SV2C: variants seen among roughly 807,000 people sequenced by gnomAD.
The protein encoded by SV2C is synaptic vesicle glycoprotein 2C, also known as solute carrier family 22 member B3.
Under a neutral mutation model 79.7 loss-of-function variants are expected in SV2C, and 49 were observed. The observed-to-expected ratio is 0.61, with a 90% CI of 0.49 to 0.78. SV2C has a LOEUF of 0.78. Among genes scored for constraint, SV2C ranks in the 30% least tolerant of loss-of-function variants. The probability of loss-of-function intolerance (pLI) is 0.00; values close to 1 mark genes in which losing one functional copy is unlikely to be tolerated. For synonymous variants in SV2C, 334 were observed against 333.2 expected (o/e 1.00, Z -0.03); for missense variants, 833 against 912.9 (o/e 0.91, Z 1.13).
Position 76,171,628 on chromosome 5 carries a change from C to A in SV2C, c.581-23291C>A, listed in dbSNP as rs1463584130. 1.4e-4 allele frequency among the ~76,000 whole-genome samples: 21 copies of A among 145,070 alleles called. 1 individual carries two copies. The highest frequency in any genetic ancestry group is 2.7e-4 in the Admixed American group (4 of 14,892). On this transcript the variant is annotated intron_variant, in intron 2 of 12. Coordinates refer to ENST00000502798, the MANE Select transcript of SV2C (RefSeq NM_014979.4). Reference sequence around the variant, plus strand: ...AGAGGTGGGGGGGGGGTCAGCCCCCCGCCCGGCCAGCCGCCCCATCCGGGA... The same window carrying A: ...AGAGGTGGGGGGGGGGTCAGCCCCCAGCCCGGCCAGCCGCCCCATCCGGGA...
intron 2 of SV2C, among the ~76,000 whole-genome samples, chr5:76,184,958 T>C (rs10038609): frequency 0.79 from 120,854 of 152,170 alleles, 48,569 homozygotes; most frequent in East Asian, 0.91. Context: ...AATCCCTTCT[T>C]CCTATGAGCC....
intron 4 of SV2C, among the ~76,000 whole-genome samples, chr5:76,247,540 T>C (rs1287598865): frequency 6.6e-6 from 1 of 152,252 alleles, no homozygotes; most frequent in Non-Finnish European, 1.5e-5. Context: ...TATCTGTGTG[T>C]TCATTTCAGA....
chr5:76,071,813 C>T, the SV2C span, among the ~76,000 whole-genome samples: 1 of 152,132 alleles, frequency 6.6e-6, no homozygotes, highest in Non-Finnish European at 1.5e-5. Context: ...AAGACAAATT[C>T]TGAACATGAA....
the SV2C span, among the ~76,000 whole-genome samples, chr5:76,030,147 C>T: frequency 2.9e-3 from 433 of 151,018 alleles, 4 homozygotes; most frequent in Non-Finnish European, 4.3e-3. Flanking sequence ...CTAACAAAGG[C>T]TTTATTTCTT....
At chr5:76,339,623 A>G (rs1278015831) in intron 12 of SV2C, among the ~76,000 whole-genome samples, 1 of 151,732 alleles carries the variant, frequency 6.6e-6, no homozygotes, top group Non-Finnish European at 1.5e-5. Context: ...ATGAGGCAGG[A>G]GAATGGCGTG....
chr5:76,034,611 G>C, the SV2C span, among the ~76,000 whole-genome samples: 1 of 152,142 alleles, frequency 6.6e-6, no homozygotes, highest in African/African-American at 2.4e-5. Flanking sequence ...ACTTGATCAT[G>C]GTGGATAAGC....
chr5:75,927,027 T>C, the SV2C span, among the ~76,000 whole-genome samples: 1 of 152,196 alleles, frequency 6.6e-6, no homozygotes, highest in African/African-American at 2.4e-5. Context: ...ATTTTGAATA[T>C]GAAAATCTAA....
At chr5:75,866,392 G>A in the SV2C span, among the ~76,000 whole-genome samples, 2 of 152,180 alleles carry the variant, frequency 1.3e-5, no homozygotes, top group Admixed American at 1.3e-4. Context: ...CACCGATGTG[G>A]CAGAGCTATT....
chr5:76,244,415 A>C (rs1042005144), intron 4 of SV2C, among the ~76,000 whole-genome samples: 1 of 152,254 alleles, frequency 6.6e-6, no homozygotes, highest in Non-Finnish European at 1.5e-5. Flanking sequence ...TAGAAATATA[A>C]CATGAGCCAC....
At chr5:75,988,341 T>C in the SV2C span, among the ~76,000 whole-genome samples, 2 of 151,988 alleles carry the variant, frequency 1.3e-5, no homozygotes, top group Admixed American at 6.6e-5. Context: ...TTTCCCGCTA[T>C]GGTAAACAAA....
the SV2C span, among the ~76,000 whole-genome samples, chr5:76,042,146 C>G: frequency 6.6e-6 from 1 of 152,182 alleles, no homozygotes; most frequent in Non-Finnish European, 1.5e-5. Context: ...AAGTCAGTCC[C>G]TTGGGTCTGC....
At chr5:76,104,262 G>A (rs1477573976) in intron 1 of SV2C, among the ~76,000 whole-genome samples, 5 of 152,194 alleles carry the variant, frequency 3.3e-5, no homozygotes, top group Non-Finnish European at 5.9e-5. Flanking sequence ...GTGCTGAAAT[G>A]CCTGGCCAGT....
the SV2C span, among the ~76,000 whole-genome samples, chr5:76,059,148 A>G: frequency 6.6e-6 from 1 of 152,218 alleles, no homozygotes; most frequent in African/African-American, 2.4e-5. Context: ...GGGAGTTATA[A>G]TCTTTTTGCT....
At chr5:75,951,599 A>G in the SV2C span, among the ~76,000 whole-genome samples, 1 of 152,044 alleles carries the variant, frequency 6.6e-6, no homozygotes, top group Admixed American at 6.6e-5. Flanking sequence ...AGAGATTCCA[A>G]TTAAATGTAA....
the SV2C span, among the ~76,000 whole-genome samples, chr5:75,854,222 G>T: frequency 3.4e-4 from 51 of 151,844 alleles, no homozygotes; most frequent in Middle Eastern, 0.014. Context: ...TCTTTTTATT[G>T]CTGAGTAGCA....
intron 2 of SV2C, among the ~76,000 whole-genome samples, chr5:76,162,811 T>C (rs994478985): frequency 1.3e-5 from 2 of 152,236 alleles, no homozygotes; most frequent in Admixed American, 6.5e-5. Context: ...CCACCTCTTT[T>C]ACCAGTCGGT....
At chr5:76,013,120 T>C in the SV2C span, among the ~76,000 whole-genome samples, 1 of 152,186 alleles carries the variant, frequency 6.6e-6, no homozygotes, top group African/African-American at 2.4e-5. Flanking sequence ...AAATGTAACG[T>C]AGATTTTTCT....
chr5:76,292,316 T>G (rs1329500585), intron 8 of SV2C, among the ~76,000 whole-genome samples: 1 of 152,218 alleles, frequency 6.6e-6, no homozygotes, highest in Non-Finnish European at 1.5e-5. Flanking sequence ...TCATCCTCTC[T>G]TTTTAAAAAA....
the SV2C span, among the ~76,000 whole-genome samples, chr5:75,953,179 G>A: frequency 2.0e-5 from 3 of 151,914 alleles, no homozygotes; most frequent in African/African-American, 4.8e-5. Flanking sequence ...GAGTTGGGAG[G>A]GGCCAGGCTC....
Sources: gnomAD v4.1 joint callset for allele counts (sites outside exome capture counted in the v4.1 genomes callset) on GRCh38, gnomAD v4.1.1 for gene constraint, MANE v1.5 for transcripts, NCBI Gene and HGNC (gene_info 2026-07-23, HGNC 2026-07-21) for gene names.